The following GPM6A variants were observed in gnomAD, a reference collection of about 807,000 sequenced individuals.
GPM6A encodes the protein glycoprotein M6A.
In GPM6A, 7 loss-of-function variants were observed where a neutral mutation model predicts 32.1. That is an observed-to-expected ratio of 0.22 (90% CI 0.12 to 0.41). The LOEUF (loss-of-function observed/expected upper bound fraction) is 0.41. GPM6A is among the 10% of genes least tolerant of loss of function. The pLI, the probability that GPM6A is intolerant of heterozygous loss-of-function variation, is 1.00. For missense variants in GPM6A, 235 were observed against 347.2 expected, an observed-to-expected ratio of 0.68 and a Z score of 2.57; for synonymous variants, 130 against 123.4, an observed-to-expected ratio of 1.05 and a Z score of -0.35.
At chr4:175,914,761 C>T (rs920207661) in intron 1 of GPM6A, among the ~76,000 whole-genome samples, 2 of 152,066 alleles carry the variant, frequency 1.3e-5, no homozygotes, top group Non-Finnish European at 2.9e-5. Flanking sequence ...TTGGGGAGAT[C>T]CGTAGCCTTC....
chr4:175,914,548 C>T (rs1454981746), intron 1 of GPM6A, among the ~76,000 whole-genome samples: 5 of 152,202 alleles, frequency 3.3e-5, no homozygotes, highest in Admixed American at 3.3e-4. Context: ...CTCTGGAACT[C>T]CTGATCTCAA....
chr4:175,665,202 TCACA>T (rs1473578971), intron 3 of GPM6A, among the ~76,000 whole-genome samples: 4 of 152,192 alleles, frequency 2.6e-5, no homozygotes, highest in African/African-American at 9.6e-5. Context: ...CACTTCTTTA[TCACA>T]GACTTTAATC....
At chr4:175,798,237 A>T (rs1484849603) in intron 1 of GPM6A, among the ~76,000 whole-genome samples, 1 of 152,210 alleles carries the variant, frequency 6.6e-6, no homozygotes, top group African/African-American at 2.4e-5. Flanking sequence ...ATAACGATCT[A>T]ACCCATAATC....
At chr4:175,862,288 A>G (rs1319614953) in intron 1 of GPM6A, among the ~76,000 whole-genome samples, 2 of 152,172 alleles carry the variant, frequency 1.3e-5, no homozygotes, top group African/African-American at 4.8e-5. Flanking sequence ...ACTCTGCCAG[A>G]CCCCTTGAGG....
chr4:175,824,779 C>A (rs1236120879), intron 1 of GPM6A, among the ~76,000 whole-genome samples: 4 of 152,028 alleles, frequency 2.6e-5, no homozygotes, highest in African/African-American at 9.7e-5. Context: ...TTATTTACAA[C>A]CCTGAGAGTA....
At chr4:175,753,448 T>C (rs897178198) in intron 1 of GPM6A, among the ~76,000 whole-genome samples, 2 of 152,160 alleles carry the variant, frequency 1.3e-5, no homozygotes, top group African/African-American at 2.4e-5. Context: ...CAGATAATGA[T>C]GTTTTATGGA....
intron 1 of GPM6A, among the ~76,000 whole-genome samples, chr4:175,823,918 G>A (rs1735353238): frequency 6.6e-6 from 1 of 152,136 alleles, no homozygotes; most frequent in South Asian, 2.1e-4. Flanking sequence ...CTCCCAATGG[G>A]CAATCAAGGT....
chr4:175,936,716 C>T (rs1044990045), intron 1 of GPM6A, among the ~76,000 whole-genome samples: 4 of 151,802 alleles, frequency 2.6e-5, no homozygotes, highest in Admixed American at 2.6e-4. Context: ...CCCATAAAAA[C>T]GTAAAGCATC....
chr4:175,858,679 T>C lies in GPM6A; in HGVS notation c.-22-46430A>G, dbSNP rs373272625. On this transcript the variant is annotated intron_variant, in intron 1 of 7. Transcript: ENST00000280187. ...AAACATTTAGGAAATTTATTGAAAC[T>C]TAAAAATATATCAACCATATGATCG... 7.4e-4 allele frequency among the ~76,000 whole-genome samples: 112 copies of C among 152,240 alleles called. 3 individuals are homozygous for C. In the South Asian group the frequency reaches 0.022, roughly 30 times the overall value.
At chr4:175,709,989 TAGAA>T (rs750093574) in intron 1 of GPM6A, among the ~76,000 whole-genome samples, 8 of 152,046 alleles carry the variant, frequency 5.3e-5, no homozygotes, top group Non-Finnish European at 1.2e-4. Context: ...GCCTAATGGG[TAGAA>T]AGAGTCACTT....
chr4:175,850,550 T>C (rs957069647), intron 1 of GPM6A, among the ~76,000 whole-genome samples: 8 of 152,036 alleles, frequency 5.3e-5, no homozygotes, highest in African/African-American at 9.7e-5. Context: ...GGGAAGAAGA[T>C]AAAAGTAGGT....
At chr4:175,703,177 T>G (rs1278889306) in intron 1 of GPM6A, among the ~76,000 whole-genome samples, 1 of 152,068 alleles carries the variant, frequency 6.6e-6, no homozygotes, top group Non-Finnish European at 1.5e-5. Context: ...TTATTACTTT[T>G]GGGGGTGGGT....
rs374106227 is a variant in GPM6A, at chr4:175,763,898, A to G, written c.37+48293T>C. Among the ~76,000 whole-genome samples the G allele has an allele frequency of 1.7e-4, 26 of 152,334 alleles. No homozygotes were observed. The South Asian group carries it at 3.7e-3, about 22-fold the overall frequency. Reference sequence around the variant, plus strand: ...GTGAAGTTCTGCAGTTACTGTTATCAGACTTATTTTCTGAGTACTTTTTAT... The same window carrying G: ...GTGAAGTTCTGCAGTTACTGTTATCGGACTTATTTTCTGAGTACTTTTTAT... On this transcript the variant is annotated intron_variant, in intron 1 of 6. Transcript: ENST00000393658.
At chr4:175,725,759 G>A (rs76541958) in intron 1 of GPM6A, among the ~76,000 whole-genome samples, 8,544 of 152,086 alleles carry the variant, frequency 0.056, 373 homozygotes, top group African/African-American at 0.11. Context: ...TATCATATAG[G>A]ATAGTCCAAT....
chr4:175,754,095 A>G (rs74702750), intron 1 of GPM6A, among the ~76,000 whole-genome samples: 1 of 152,112 alleles, frequency 6.6e-6, no homozygotes, highest in African/African-American at 2.4e-5. Flanking sequence ...ATTTTTCAAC[A>G]TATCTTAATA....
intron 1 of GPM6A, among the ~76,000 whole-genome samples, chr4:175,953,267 C>T (rs550965998): frequency 2.4e-4 from 36 of 152,218 alleles, no homozygotes; most frequent in African/African-American, 8.2e-4. Context: ...CCTATAAATA[C>T]ACTGTGTTGG....
intron 1 of GPM6A, among the ~76,000 whole-genome samples, chr4:175,983,435 T>C (rs555865843): frequency 1.3e-5 from 2 of 152,306 alleles, no homozygotes; most frequent in African/African-American, 4.8e-5. Flanking sequence ...TAAAATGTCC[T>C]TTAACAGGTT....
intron 1 of GPM6A, among the ~76,000 whole-genome samples, chr4:175,715,287 T>A (rs1382690914): frequency 1.3e-5 from 2 of 152,164 alleles, no homozygotes; most frequent in Non-Finnish European, 2.9e-5. Context: ...AAAGCAGCAA[T>A]TTATTATAAT....
intron 6 of GPM6A, among the ~76,000 whole-genome samples, chr4:175,637,682 TATAATATATAATATATTATATATTA>T: frequency 6.9e-4 from 1 of 1,456 alleles, no homozygotes; most frequent in African/African-American, 2.0e-3. Context: ...ATAATATATA[TATAATATATAATATATTATATATTA>T]TATATATTTA....
Sources: allele counts gnomAD v4.1 joint callset (sites outside exome capture counted in the v4.1 genomes callset), GRCh38; gene constraint gnomAD v4.1.1; transcripts MANE v1.5; gene names NCBI Gene and HGNC (gene_info 2026-07-23, HGNC 2026-07-21).